OTOA: variants seen among roughly 807,000 people sequenced by gnomAD.
The protein encoded by OTOA is cancer/testis antigen 108.
Under a neutral mutation model 110.8 loss-of-function variants are expected in OTOA, and 70 were observed. The observed-to-expected ratio is 0.63, with a 90% confidence interval of 0.52 to 0.77. The LOEUF is 0.77. Ranked by LOEUF, OTOA falls within the 30% of genes least tolerant of loss-of-function variation. OTOA has a pLI of 0.00. For missense variants in OTOA, 917 were observed against 1,075.8 expected (o/e 0.85, Z 2.06); for synonymous variants, 373 against 431.5 (o/e 0.86, Z 1.68).
At chr16:21,714,258 T>TCCTCCTTC in intron 13 of OTOA, among the ~76,000 whole-genome samples, 1 of 149,216 alleles carries the variant, frequency 6.7e-6, no homozygotes, top group Non-Finnish European at 1.5e-5. Flanking sequence ...CTTTTTTCTT[T>TCCTCCTTC]CTTTCTTTCT....
intron 17 of OTOA, among the ~76,000 whole-genome samples, chr16:21,720,274 G>A (rs902545704): frequency 6.6e-6 from 1 of 152,162 alleles, no homozygotes; most frequent in Non-Finnish European, 1.5e-5. Context: ...ATTTTTCAGT[G>A]TCTAAGCTAG....
intron 24 of OTOA, among the ~76,000 whole-genome samples, chr16:21,750,046 T>C (rs1899780077): frequency 6.6e-6 from 1 of 152,216 alleles, no homozygotes; most frequent in African/African-American, 2.4e-5. Flanking sequence ...AGGTCCTACA[T>C]AGGTAGATAA....
chr16:21,681,752 C>A lies in OTOA; in HGVS notation c.194C>A (p.Thr65Lys), dbSNP rs140152105. Residue 65 changes from threonine to lysine, a missense_variant, in exon 6 of 29, where the codon ACG (threonine) becomes AAG (lysine). Physicochemically the swap from Thr to Lys is moderately conservative, Grantham distance 78 (BLOSUM62 -1). Around this residue, in one of 6 missense-constraint regions of OTOA, gnomAD observed 840 missense variants for 910.2 expected, o/e 0.92. Coordinates refer to ENST00000646100, the MANE Select transcript of OTOA (RefSeq NM_144672.4). ...TTCAACTGAAGCTCCCACGTGTGGA[C>A]GGATGACCTGTCCCACAGAGTCCTG... Reference protein sequence around the residue: ...LIQFQSSHVWTDDLSHRVLAY... With the variant: ...LIQFQSSHVWKDDLSHRVLAY... 24 of 1,613,736 alleles carry A rather than the reference C, an allele frequency of 1.5e-5. No individual in the cohort carries two copies. The African/African-American group carries it at 2.7e-4, about 18-fold the overall frequency.
intron 17 of OTOA, chr16:21,721,320 C>A (rs1898733830): frequency 2.2e-6 from 1 of 455,160 alleles, no homozygotes; most frequent in African/African-American, 2.0e-5. Flanking sequence ...CCAAATTTTC[C>A]CCAGAGCAGT....
Position 21,719,326 on chromosome 16 carries a change from CTCTT to C in OTOA, c.1689-54_1689-51del, listed in dbSNP as rs934408970. 1.6e-4 allele frequency: 254 copies of C among 1,568,552 alleles called. No individual in the cohort carries two copies. The African/African-American group carries it at 3.2e-3, about 20-fold the overall frequency. On this transcript the variant is annotated intron_variant, in intron 16 of 28. Transcript: ENST00000646100. ...ATCTGATCATATCTGCCTTCTCTCG[CTCTT>C]TCTTTCCTCTCCTCCTCACTTCCTT... is the stretch of plus-strand genomic sequence containing the variant.
At chr16:21,668,753 T>C (rs1191604902) in intron 1 of OTOA, among the ~76,000 whole-genome samples, 1 of 152,074 alleles carries the variant, frequency 6.6e-6, no homozygotes, top group Non-Finnish European at 1.5e-5. Flanking sequence ...TGAGCCACCG[T>C]GCCCAGACAT....
Position 21,758,636 on chromosome 16 carries a change from A to G in OTOA, c.3349+1359A>G, listed in dbSNP as rs1022572278. 4.0e-5 allele frequency among the ~76,000 whole-genome samples: 6 copies of G among 149,802 alleles called. No individual in the cohort carries two copies. The South Asian group carries it at 6.6e-4, about 17-fold the overall frequency. ...TGGAGTATTCCCCATTTCTACAGCC[A>G]CAAGTGGCCAGAGGTGGCACTTGAA... is the stretch of plus-strand genomic sequence containing the variant. On this transcript the variant is annotated intron_variant, in intron 28 of 28. Coordinates refer to ENST00000646100, the MANE Select transcript of OTOA (RefSeq NM_144672.4).
chr16:21,695,883 ATATATATATTTT>A (rs1454706471), intron 9 of OTOA, among the ~76,000 whole-genome samples: 3 of 43,792 alleles, frequency 6.9e-5, no homozygotes, highest in Admixed American at 2.3e-4. Flanking sequence ...ATATATATAT[ATATATATATTTT>A]TTTTTTTTTT....
At chr16:21,677,470 G>C (rs1363903918) in intron 1 of OTOA, among the ~76,000 whole-genome samples, 2 of 148,040 alleles carry the variant, frequency 1.4e-5, no homozygotes, top group Non-Finnish European at 3.0e-5. Context: ...ATGAAGTTTA[G>C]CTTCATATCT....
chr16:21,756,879 T>C (rs1030484136), intron 27 of OTOA, among the ~76,000 whole-genome samples: 4 of 143,938 alleles, frequency 2.8e-5, no homozygotes, highest in African/African-American at 1.0e-4. Context: ...TTTTGGAAAC[T>C]TCCATTTTAA....
At chr16:21,714,313 C>CTTCCTTCCTTCCTTCA (rs1898459133) in intron 13 of OTOA, among the ~76,000 whole-genome samples, 2 of 118,104 alleles carry the variant, frequency 1.7e-5, no homozygotes, top group African/African-American at 6.2e-5. Flanking sequence ...TCCTTCCTTC[C>CTTCCTTCCTTCCTTCA]TTCCTTCCTT....
At chr16:21,744,034 G>A (rs1229009421) in intron 23 of OTOA, among the ~76,000 whole-genome samples, 4 of 139,470 alleles carry the variant, frequency 2.9e-5, no homozygotes, top group Non-Finnish European at 6.3e-5. Context: ...ATACTTGTCC[G>A]TTGTCAGTTT....
chr16:21,697,725 G>C, intron 9 of OTOA, 50 bp from the exon 10 acceptor site: 1 of 1,509,386 alleles, frequency 6.6e-7, no homozygotes, highest in Non-Finnish European at 9.2e-7. Context: ...CCAGTGTAAA[G>C]GCTTTTATTT....
intron 1 of OTOA, among the ~76,000 whole-genome samples, chr16:21,672,448 C>A (rs2124812): frequency 0.16 from 24,337 of 151,784 alleles, 2,716 homozygotes; most frequent in East Asian, 0.33. Flanking sequence ...CATGGCGAAA[C>A]CCCATCTCTA....
chr16:21,699,748 G>A (rs571373613), intron 10 of OTOA, among the ~76,000 whole-genome samples: 10 of 151,892 alleles, frequency 6.6e-5, no homozygotes, highest in East Asian at 3.9e-4. Context: ...GCGAAACCCC[G>A]TCTCTACTAA....
At position 21,722,259 on chromosome 16, in the gene OTOA, C is replaced by CA. The variant is rs1320756375; in HGVS notation, c.1807-636dup. Among the ~76,000 whole-genome samples, 50 of 68,366 alleles carry CA rather than the reference C, an allele frequency of 7.3e-4. No individual in the cohort carries two copies. The East Asian group carries it at 0.012, about 17-fold the overall frequency. The allele number at this position is 68,366 out of a possible 152,430, so 44.9% of individuals were successfully genotyped here. On this transcript the variant is annotated intron_variant, in intron 17 of 28. Coordinates refer to ENST00000646100, the MANE Select transcript of OTOA (RefSeq NM_144672.4). ...CCTAGGTGACAGAGTGAGACTGTCT[C>CA]AAAAAAAAAACAAAAAAAAAAAACA...
chr16:21,684,720 CTTATTATTATTA>C lies in OTOA; in HGVS notation c.268-474_268-463del, dbSNP rs531589434. On this transcript the variant is annotated intron_variant, in intron 6 of 28. Transcript: ENST00000646100. The stretch of plus-strand genomic sequence containing the variant: ...AAATCTTGATCTTGTGAGGAATCCC[CTTATTATTATTA>C]TTATTATTATTATTATTATTATTAT... 7.9e-3 allele frequency among the ~76,000 whole-genome samples: 1,004 copies of C among 126,912 alleles called. 14 individuals carry two copies. The highest frequency in any genetic ancestry group is 0.026 in the African/African-American group (940 of 36,300). 83.3% of individuals were successfully genotyped at this position (126,912 alleles called of 152,430 possible).
intron 7 of OTOA, 92 bp downstream of exon 7, chr16:21,685,453 G>A (rs1897696296): frequency 6.5e-7 from 1 of 1,539,796 alleles, no homozygotes; most frequent in African/African-American, 1.4e-5. Flanking sequence ...TTAGGCCTTG[G>A]CACTTCATTG....
At chr16:21,705,759 C>T (rs769005901) in intron 12 of OTOA, among the ~76,000 whole-genome samples, 1 of 152,132 alleles carries the variant, frequency 6.6e-6, no homozygotes, top group African/African-American at 2.4e-5. Flanking sequence ...GCATGGCCAA[C>T]ATGGTAAAAC....
Sources: gnomAD v4.1 joint callset for allele counts (sites outside exome capture counted in the v4.1 genomes callset) on GRCh38, gnomAD v4.1.1 for gene constraint, gnomAD v4.1.1 regional missense constraint, MANE v1.5 for transcripts, NCBI Gene and HGNC (gene_info 2026-07-23, HGNC 2026-07-21) for gene names.